HEATR5B: variants seen among roughly 807,000 people sequenced by gnomAD.
HEATR5B encodes the protein HEAT repeat containing 5B.
A neutral mutation model predicts 224.1 loss-of-function variants in HEATR5B; 156 were observed. The ratio of observed to expected loss-of-function variants is 0.70; its 90% CI spans 0.61 to 0.80. The LOEUF is 0.80. HEATR5B is among the 30% of genes least tolerant of loss of function. The pLI is 0.00. For missense variants in HEATR5B, 2,323 were observed against 2,535.5 expected, an observed-to-expected ratio of 0.92 and a Z score of 1.80; for synonymous variants, 1,027 against 893.0, an observed-to-expected ratio of 1.15 and a Z score of -2.68.
chr2:37,067,149 C>T (rs1671637379), intron 8 of HEATR5B, among the ~76,000 whole-genome samples: 1 of 152,128 alleles, frequency 6.6e-6, no homozygotes, highest in Admixed American at 6.5e-5. Flanking sequence ...GCTGGGATTA[C>T]AGGCATGAGC....
At chr2:37,076,280 T>A (rs1558382540) in intron 4 of HEATR5B, 1 of 152,380 alleles carries the variant, frequency 6.6e-6, no homozygotes, top group African/African-American at 2.4e-5. Context: ...AATGAATGAA[T>A]AGACAAATAG....
intron 22 of HEATR5B, among the ~76,000 whole-genome samples, chr2:37,031,425 CT>C (rs760347379): frequency 7.6e-6 from 1 of 132,252 alleles, no homozygotes; most frequent in African/African-American, 2.6e-5. Flanking sequence ...TTCTGTTTTT[CT>C]TTTCTTTCTT....
At chr2:37,038,090 G>C in intron 20 of HEATR5B, 66 bp from the exon 21 acceptor site, 8 of 1,077,954 alleles carry the variant, frequency 7.4e-6, no homozygotes, top group Non-Finnish European at 1.0e-5. Context: ...AATATTCCTA[G>C]TAAACAATTA....
chr2:36,995,280 G>A (rs543711493), intron 33 of HEATR5B, among the ~76,000 whole-genome samples: 3 of 151,830 alleles, frequency 2.0e-5, no homozygotes, highest in East Asian at 1.9e-4. Flanking sequence ...TAGTAGAGAC[G>A]GGTTTTCACC....
In HEATR5B at chr2:37,057,281, T is replaced by C. The variant is rs372045580; in HGVS notation, c.2223+36A>G. 3.3e-6 allele frequency: 5 copies of C among 1,495,466 alleles called. No homozygotes were observed. The Admixed American group carries it at 8.1e-5, about 24-fold the overall frequency. The allele number at this position is 1,495,466 out of a possible 1,614,324, so 92.6% of individuals were successfully genotyped here. On this transcript the variant is annotated intron_variant, in intron 15 of 35. Transcript: ENST00000233099. ...TGTGTAATAGGACCATTGTTTCAGA[T>C]TAAGTTAGTATTTCATTTTCCTCTA...
chr2:37,029,782 T>A (rs1191919714), intron 22 of HEATR5B, among the ~76,000 whole-genome samples: 1 of 151,146 alleles, frequency 6.6e-6, no homozygotes, highest in Admixed American at 6.6e-5. Context: ...CTACTAAAAA[T>A]ACAAAAATTA....
At chr2:37,010,747 C>T (rs908479662) in intron 27 of HEATR5B, among the ~76,000 whole-genome samples, 6 of 151,998 alleles carry the variant, frequency 3.9e-5, no homozygotes, top group African/African-American at 1.4e-4. Context: ...CTCCTGACCG[C>T]AGGTGATCCA....
chr2:37,022,950 T>C (rs1257886061), intron 24 of HEATR5B, among the ~76,000 whole-genome samples: 2 of 151,902 alleles, frequency 1.3e-5, no homozygotes, highest in Non-Finnish European at 2.9e-5. Flanking sequence ...GGGAAATATG[T>C]CTCACAACAA....
intron 33 of HEATR5B, among the ~76,000 whole-genome samples, chr2:36,993,541 T>TAAAA (rs1010348134): frequency 7.7e-6 from 1 of 129,234 alleles, no homozygotes. Flanking sequence ...AGACTCTGTT[T>TAAAA]AAAAAAAAAA....
chr2:37,079,371 T>A (rs1033405112), intron 2 of HEATR5B, 40 bp from the exon 3 acceptor site: 22 of 1,127,650 alleles, frequency 2.0e-5, no homozygotes, highest in East Asian at 5.1e-5. Flanking sequence ...TCATTAAAAA[T>A]TTTTTTTGTT....
At chr2:37,035,352 C>T (rs530023452) in intron 21 of HEATR5B, among the ~76,000 whole-genome samples, 1 of 152,208 alleles carries the variant, frequency 6.6e-6, no homozygotes, top group East Asian at 1.9e-4. Flanking sequence ...GTAGTGGTAC[C>T]ATGTGCCACA....
At chr2:37,044,580 G>C (rs946835653) in intron 18 of HEATR5B, among the ~76,000 whole-genome samples, 1 of 152,154 alleles carries the variant, frequency 6.6e-6, no homozygotes, top group Non-Finnish European at 1.5e-5. Flanking sequence ...TTGAGTACAA[G>C]TGTTTGTATG....
chr2:37,026,215 C>T (rs902769144), intron 24 of HEATR5B, among the ~76,000 whole-genome samples: 2 of 152,068 alleles, frequency 1.3e-5, no homozygotes, highest in African/African-American at 2.4e-5. Context: ...CCAGGGAGTG[C>T]GGGCAGCATA....
chr2:37,045,065 C>T (rs1311934436), intron 18 of HEATR5B, among the ~76,000 whole-genome samples: 3 of 152,154 alleles, frequency 2.0e-5, no homozygotes, highest in Non-Finnish European at 4.4e-5. Flanking sequence ...TCTAGGTTTC[C>T]TTTGGGCTGT....
At chr2:37,021,990 T>A (rs760005883) in intron 24 of HEATR5B, among the ~76,000 whole-genome samples, 22 of 151,908 alleles carry the variant, frequency 1.4e-4, no homozygotes, top group Admixed American at 3.9e-4. Flanking sequence ...TTTTCCTTCC[T>A]GCTGTTCTTT....
At position 36,981,400 on chromosome 2, in the gene HEATR5B, C is replaced by T; in HGVS notation, c.*90G>A. 1 of 979,320 alleles carries T rather than the reference C, an allele frequency of 1.0e-6. No homozygotes were observed. Among genetic ancestry groups the T allele is most frequent in the Admixed American group, 2.9e-5 (1 of 34,812 alleles). The allele number at this position is 979,320 out of a possible 1,614,324, so 60.7% of individuals were successfully genotyped here. On this transcript the variant is annotated 3_prime_UTR_variant, in exon 36 of 36. Transcript: ENST00000233099. ...CTATAATACCAATATACAAATAAAA[C>T]AGAACCCATAGGTAGCCTGGAATGA...
chr2:37,028,629 A>G, intron 23 of HEATR5B, 52 bp downstream of exon 23: 1 of 1,494,552 alleles, frequency 6.7e-7, no homozygotes, highest in South Asian at 1.2e-5. Flanking sequence ...ATATGTATAT[A>G]TCAGAAGTAA....
At chr2:37,044,855 G>A (rs1388764594) in intron 18 of HEATR5B, among the ~76,000 whole-genome samples, 1 of 151,910 alleles carries the variant, frequency 6.6e-6, no homozygotes, top group Admixed American at 6.6e-5. Context: ...TTCTCTCTAC[G>A]CCTCATTTTT....
intron 8 of HEATR5B, among the ~76,000 whole-genome samples, chr2:37,068,041 T>A (rs1032256719): frequency 6.6e-6 from 1 of 152,158 alleles, no homozygotes; most frequent in Non-Finnish European, 1.5e-5. Context: ...ATTTTTGCCT[T>A]GCTTTTAGTA....
Sources: allele counts gnomAD v4.1 joint callset (sites outside exome capture counted in the v4.1 genomes callset), GRCh38; gene constraint gnomAD v4.1.1; transcripts MANE v1.5; gene names NCBI Gene and HGNC (gene_info 2026-07-23, HGNC 2026-07-21).